The following SHANK2 variants were observed in gnomAD, a reference collection of about 807,000 sequenced individuals.
SHANK2 encodes the protein SH3 and multiple ankyrin repeat domains protein 2.
In SHANK2, 43 loss-of-function variants were observed where a neutral mutation model predicts 133.7. That is an observed-to-expected ratio of 0.32 (90% CI 0.25 to 0.41). SHANK2 has a LOEUF of 0.41. Ranked by LOEUF, SHANK2 falls within the 10% of genes least tolerant of loss-of-function variation. The pLI, the probability that SHANK2 is intolerant of heterozygous loss-of-function variation, is 1.00. For synonymous variants in SHANK2, 1,017 were observed against 952.8 expected, an observed-to-expected ratio of 1.07 and a Z score of -1.24; for missense variants, 1,994 against 2,235.8, an observed-to-expected ratio of 0.89 and a Z score of 2.18.
chr11:70,596,922 C>G (rs1355766196), intron 17 of SHANK2, among the ~76,000 whole-genome samples: 1 of 152,164 alleles, frequency 6.6e-6, no homozygotes, highest in East Asian at 1.9e-4. Flanking sequence ...TGACTGAGGT[C>G]TCCTATGGTC....
At chr11:71,159,801 T>C (rs1952975586) in intron 2 of SHANK2, among the ~76,000 whole-genome samples, 2 of 151,854 alleles carry the variant, frequency 1.3e-5, no homozygotes, top group Admixed American at 6.6e-5. Context: ...CTGGCCAACA[T>C]GGCAAAACCC....
intron 8 of SHANK2, among the ~76,000 whole-genome samples, chr11:71,085,593 A>T (rs1364935470): frequency 3.2e-4 from 26 of 81,202 alleles, no homozygotes; most frequent in African/African-American, 1.1e-3. Flanking sequence ...TATATTATAT[A>T]ATATATATAT....
At chr11:70,685,154 A>T (rs1565240214) in intron 15 of SHANK2, among the ~76,000 whole-genome samples, 1 of 151,994 alleles carries the variant, frequency 6.6e-6, no homozygotes, top group African/African-American at 2.4e-5. Flanking sequence ...GGCTTGGCGA[A>T]AAAACCCCCA....
chr11:70,754,655 G>A (rs1296731121), intron 14 of SHANK2, among the ~76,000 whole-genome samples: 5 of 152,154 alleles, frequency 3.3e-5, no homozygotes, highest in African/African-American at 7.2e-5. Context: ...CAAAGGCAGC[G>A]GTAGGAGGAG....
intron 10 of SHANK2, among the ~76,000 whole-genome samples, chr11:70,931,060 C>T (rs548639851): frequency 1.2e-3 from 178 of 152,270 alleles, no homozygotes; most frequent in Non-Finnish European, 1.7e-3. Context: ...CCCCAACACA[C>T]GCTAACACAT....
Position 70,712,406 on chromosome 11 carries a change from C to T in SHANK2, c.1778-13643G>A, listed in dbSNP as rs950574616. On this transcript the variant is annotated intron_variant, in intron 14 of 25. Coordinates refer to ENST00000601538, the MANE Select transcript of SHANK2 (RefSeq NM_012309.5). ...TTAGGACGTGAACATCTCTGGGGGC[C>T]GCTATTGTGCCCACCATAACCACAA... is the stretch of plus-strand genomic sequence containing the variant. Among the ~76,000 whole-genome samples the T allele has an allele frequency of 5.9e-5, 9 of 152,182 alleles. 1 individual carries two copies. The highest frequency in any genetic ancestry group is 4.1e-4 in the South Asian group (2 of 4,826).
At chr11:70,665,593 T>C in intron 15 of SHANK2, among the ~76,000 whole-genome samples, 1 of 152,200 alleles carries the variant, frequency 6.6e-6, no homozygotes, top group South Asian at 2.1e-4. Flanking sequence ...CGGCATTGTT[T>C]CAGGATCTAA....
intron 15 of SHANK2, among the ~76,000 whole-genome samples, chr11:70,692,232 C>T (rs1169208708): frequency 1.3e-5 from 2 of 152,230 alleles, no homozygotes; most frequent in East Asian, 3.8e-4. Context: ...CTGAGGCAGT[C>T]TTCTAGAGCG....
chr11:70,521,752 G>A (rs569953674), intron 17 of SHANK2, among the ~76,000 whole-genome samples: 21 of 152,304 alleles, frequency 1.4e-4, no homozygotes, highest in African/African-American at 5.1e-4. Context: ...GTAAACAGCA[G>A]CACGCTGGTC....
chr11:70,674,717 C>T (rs1364625837), intron 15 of SHANK2, among the ~76,000 whole-genome samples: 4 of 152,346 alleles, frequency 2.6e-5, no homozygotes, highest in African/African-American at 4.8e-5. Flanking sequence ...GTGAACATTC[C>T]AGGCTTTGAG....
intron 11 of SHANK2, among the ~76,000 whole-genome samples, chr11:70,878,307 G>A (rs1000107898): frequency 3.9e-5 from 6 of 152,218 alleles, no homozygotes; most frequent in African/African-American, 1.4e-4. Flanking sequence ...GGAGGACCTC[G>A]ACAAGGTCTA....
At chr11:70,614,122 C>T (rs541202571) in intron 17 of SHANK2, among the ~76,000 whole-genome samples, 17 of 152,090 alleles carry the variant, frequency 1.1e-4, no homozygotes, top group Admixed American at 2.6e-4. Flanking sequence ...CAATAAAGGC[C>T]GAGACTGGAG....
intron 10 of SHANK2, among the ~76,000 whole-genome samples, chr11:70,949,863 T>G (rs1950807148): frequency 6.6e-6 from 1 of 152,224 alleles, no homozygotes. Flanking sequence ...CGCGTCTTAG[T>G]GAGTCGGGGC....
intron 11 of SHANK2, among the ~76,000 whole-genome samples, chr11:70,894,270 C>T (rs1949898791): frequency 6.6e-6 from 1 of 152,128 alleles, no homozygotes; most frequent in African/African-American, 2.4e-5. Context: ...TCACTGCAAC[C>T]TCTGCCTCCC....
At chr11:71,066,607 A>G (rs1317768183) in intron 9 of SHANK2, among the ~76,000 whole-genome samples, 2 of 152,202 alleles carry the variant, frequency 1.3e-5, no homozygotes, top group African/African-American at 2.4e-5. Context: ...TTTCAACGGC[A>G]CTGAGGCTGT....
chr11:71,139,359 G>A (rs1394270960), intron 3 of SHANK2, among the ~76,000 whole-genome samples: 1 of 139,420 alleles, frequency 7.2e-6, no homozygotes, highest in East Asian at 2.4e-4. Context: ...TAAAGGGGTA[G>A]GGGGAGGGGG....
At chr11:70,497,902 G>C (rs2058994642) in intron 21 of SHANK2, among the ~76,000 whole-genome samples, 1 of 152,284 alleles carries the variant, frequency 6.6e-6, no homozygotes, top group Non-Finnish European at 1.5e-5. Flanking sequence ...TGTCCAGCGA[G>C]TTCCTTTGCC....
intron 17 of SHANK2, among the ~76,000 whole-genome samples, chr11:70,512,764 G>A (rs1305477829): frequency 1.3e-5 from 2 of 152,046 alleles, no homozygotes; most frequent in Non-Finnish European, 2.9e-5. Flanking sequence ...TCCTGTGTTG[G>A]ATCTCCTGAA....
intron 2 of SHANK2, among the ~76,000 whole-genome samples, chr11:71,153,358 C>T (rs1319198798): frequency 6.6e-6 from 1 of 152,136 alleles, no homozygotes; most frequent in African/African-American, 2.4e-5. Flanking sequence ...GTGTGTGTTT[C>T]TCTCCTTGGC....
Sources: allele counts gnomAD v4.1 joint callset (sites outside exome capture counted in the v4.1 genomes callset), GRCh38; gene constraint gnomAD v4.1.1; transcripts MANE v1.5; gene names NCBI Gene and HGNC (gene_info 2026-07-23, HGNC 2026-07-21).